The following PTPRD variants were observed in gnomAD, a reference collection of about 807,000 sequenced individuals.
PTPRD encodes protein tyrosine phosphatase receptor type D.
Under a neutral mutation model 214.5 loss-of-function variants are expected in PTPRD, and 34 were observed. The observed-to-expected ratio is 0.16, with a 90% CI of 0.12 to 0.21. The LOEUF (loss-of-function observed/expected upper bound fraction) is 0.21. Ranked by LOEUF, PTPRD falls within the 10% of genes least tolerant of loss-of-function variation. PTPRD has a pLI of 1.00. For synonymous variants in PTPRD, 1,128 were observed against 845.7 expected (o/e 1.33, Z -5.79); for missense variants, 2,545 against 2,398.7 (o/e 1.06, Z -1.27).
chr9:9,671,599 A>C (rs894949434), intron 7 of PTPRD, among the ~76,000 whole-genome samples: 2 of 152,100 alleles, frequency 1.3e-5, no homozygotes, highest in African/African-American at 4.8e-5. Context: ...ATCTTGTGGG[A>C]GGGACCCAGT....
intron 11 of PTPRD, among the ~76,000 whole-genome samples, chr9:9,005,802 G>A (rs545469898): frequency 2.0e-4 from 30 of 151,994 alleles, no homozygotes; most frequent in African/African-American, 7.2e-4. Flanking sequence ...TATCATAATT[G>A]GGGATGTCTG....
intron 10 of PTPRD, among the ~76,000 whole-genome samples, chr9:9,140,821 G>T (rs906543727): frequency 1.1e-4 from 16 of 152,146 alleles, no homozygotes; most frequent in African/African-American, 3.6e-4. Context: ...CTCGTGATCT[G>T]CCCGCCTCAG....
chr9:8,765,510 G>C (rs922151007), intron 11 of PTPRD, among the ~76,000 whole-genome samples: 2 of 152,116 alleles, frequency 1.3e-5, no homozygotes, highest in South Asian at 2.1e-4. Context: ...GGTTAGAAGC[G>C]GGTATTATCA....
chr9:9,370,057 T>G (rs1479271779), intron 9 of PTPRD, among the ~76,000 whole-genome samples: 2 of 152,164 alleles, frequency 1.3e-5, no homozygotes, highest in Non-Finnish European at 2.9e-5. Context: ...TGCCTCCAGC[T>G]TTGTTCTTTT....
chr9:9,571,135 T>C (rs969083316), intron 8 of PTPRD, among the ~76,000 whole-genome samples: 1 of 151,426 alleles, frequency 6.6e-6, no homozygotes, highest in African/African-American at 2.4e-5. Context: ...CACATGCAAT[T>C]CTAAAAAGGT....
intron 2 of PTPRD, among the ~76,000 whole-genome samples, chr9:10,496,293 A>T (rs1156886248): frequency 6.6e-6 from 1 of 151,910 alleles, no homozygotes; most frequent in Non-Finnish European, 1.5e-5. Flanking sequence ...AGAAAGATAA[A>T]ATTTTCTGGA....
intron 4 of PTPRD, among the ~76,000 whole-genome samples, chr9:10,000,081 A>G (rs2096271060): frequency 1.3e-5 from 2 of 152,182 alleles, no homozygotes; most frequent in African/African-American, 4.8e-5. Context: ...ATCTCTCCCA[A>G]TCATACTGCA....
intron 10 of PTPRD, among the ~76,000 whole-genome samples, chr9:9,056,342 C>A (rs945808042): frequency 6.6e-6 from 1 of 152,060 alleles, no homozygotes; most frequent in Admixed American, 6.6e-5. Context: ...TCAAATGAAG[C>A]AAAGAAGCCA....
chr9:10,131,592 T>C (rs1374775175), intron 3 of PTPRD, among the ~76,000 whole-genome samples: 1 of 152,202 alleles, frequency 6.6e-6, no homozygotes, highest in Non-Finnish European at 1.5e-5. Flanking sequence ...TGCCATTATG[T>C]ATTAAATACC....
At chr9:9,211,198 C>T (rs556591097) in intron 9 of PTPRD, among the ~76,000 whole-genome samples, 32 of 152,080 alleles carry the variant, frequency 2.1e-4, no homozygotes, top group African/African-American at 7.2e-4. Context: ...TTATAAAGGT[C>T]TGTATTGCCT....
intron 7 of PTPRD, among the ~76,000 whole-genome samples, chr9:9,586,296 A>G (rs928785509): frequency 6.6e-6 from 1 of 152,008 alleles, no homozygotes; most frequent in Non-Finnish European, 1.5e-5. Context: ...TCCTTCTACA[A>G]CCAAAGAAGA....
At chr9:9,039,628 A>G (rs2099633096) in intron 10 of PTPRD, among the ~76,000 whole-genome samples, 1 of 152,186 alleles carries the variant, frequency 6.6e-6, no homozygotes, top group African/African-American at 2.4e-5. Context: ...AAAGCCAAAA[A>G]TATTTACTAT....
chr9:8,465,706 A>C, intron 31 of PTPRD, 31 bp from the exon 32 acceptor site: 1 of 1,557,928 alleles, frequency 6.4e-7, no homozygotes, highest in Non-Finnish European at 8.8e-7. Flanking sequence ...ACAGAAAAAG[A>C]ACTGTAAATA....
At chr9:8,986,376 C>G (rs1018781643) in intron 11 of PTPRD, among the ~76,000 whole-genome samples, 2 of 151,872 alleles carry the variant, frequency 1.3e-5, no homozygotes, top group Non-Finnish European at 2.9e-5. Flanking sequence ...AACAGAACCA[C>G]TAAAATACAA....
At chr9:9,986,155 T>A (rs189929611) in intron 4 of PTPRD, among the ~76,000 whole-genome samples, 8 of 152,244 alleles carry the variant, frequency 5.3e-5, no homozygotes, top group African/African-American at 1.9e-4. Context: ...TCTTTTACAC[T>A]GCTGAGATAT....
At chr9:10,286,025 T>C (rs2095340641) in intron 3 of PTPRD, among the ~76,000 whole-genome samples, 2 of 152,152 alleles carry the variant, frequency 1.3e-5, no homozygotes, top group Admixed American at 1.3e-4. Context: ...AAGGGCCTAA[T>C]AGTTAGCATT....
intron 7 of PTPRD, among the ~76,000 whole-genome samples, chr9:9,638,145 C>G (rs1422321191): frequency 6.6e-6 from 1 of 152,178 alleles, no homozygotes; most frequent in East Asian, 1.9e-4. Context: ...ATTTTTTCCT[C>G]TCAAAATACT....
chr9:8,713,661 C>A, intron 12 of PTPRD: 1 of 1,507,002 alleles, frequency 6.6e-7, no homozygotes, highest in Non-Finnish European at 9.1e-7. Context: ...GCGCCCGGCA[C>A]CGCGCCCGGG....
chr9:9,972,497 A>G (rs1229646306), intron 4 of PTPRD, among the ~76,000 whole-genome samples: 1 of 152,166 alleles, frequency 6.6e-6, no homozygotes, highest in African/African-American at 2.4e-5. Context: ...TTCATATTAT[A>G]GAAATTACTT....
Sources: allele counts gnomAD v4.1 joint callset (sites outside exome capture counted in the v4.1 genomes callset), GRCh38; gene constraint gnomAD v4.1.1; transcripts MANE v1.5; gene names NCBI Gene and HGNC (gene_info 2026-07-23, HGNC 2026-07-21).